Variants in MYH14 observed in about 807,000 individuals in gnomAD.
The protein encoded by MYH14 is myosin heavy chain 14.
Under a neutral mutation model 255.5 loss-of-function variants are expected in MYH14, and 123 were observed. The ratio of observed to expected loss-of-function variants is 0.48; its 90% CI spans 0.42 to 0.56. MYH14 has a LOEUF of 0.56. MYH14 is among the 20% of genes least tolerant of loss of function. MYH14 has a pLI of 0.00. For missense variants in MYH14, 2,423 were observed against 2,802.3 expected, an observed-to-expected ratio of 0.86 and a Z score of 3.06; for synonymous variants, 1,095 against 1,161.2, an observed-to-expected ratio of 0.94 and a Z score of 1.16.
At chr19:50,229,547 G>A (rs2033271434) in intron 8 of MYH14, among the ~76,000 whole-genome samples, 1 of 152,120 alleles carries the variant, frequency 6.6e-6, no homozygotes, top group African/African-American at 2.4e-5. Flanking sequence ...GGCTGAGGTG[G>A]GAGTATTGCT....
Position 50,268,372 on chromosome 19 carries a change from G to C in MYH14, c.3033+5G>C. The C allele has an allele frequency of 5.8e-6, 9 of 1,560,708 alleles. No homozygotes were observed. Among genetic ancestry groups the C allele is most frequent in the Non-Finnish European group, 6.9e-6 (8 of 1,153,704 alleles). On this transcript the variant is annotated splice_donor_5th_base_variant and intron_variant, in intron 24 of 42. Coordinates refer to ENST00000642316, the MANE Select transcript of MYH14 (RefSeq NM_001145809.2). ...AGGCTGCAGCAGCACATACAGGTCT[G>C]GCCCCTTGCATGCCCACCAGGCCAC...
At position 50,266,807 on chromosome 19, in the gene MYH14, C is replaced by T; in HGVS notation, c.2695-70C>T. 6.5e-7 allele frequency: 1 copy of T among 1,541,094 alleles called. No homozygotes were observed. Among genetic ancestry groups the T allele is most frequent in the Non-Finnish European group, 8.8e-7 (1 of 1,138,670 alleles). On this transcript the variant is annotated intron_variant, in intron 22 of 42. Transcript: ENST00000642316. The surrounding 1 kb of genome is among the most constrained non-coding windows in gnomAD (Gnocchi z 4.1). Reference sequence around the variant, plus strand: ...GAGAAGGGATTTGAACCCAGAAACTCAAACCCCACTAAGAGTGTGAGGTCT... The same window carrying T: ...GAGAAGGGATTTGAACCCAGAAACTTAAACCCCACTAAGAGTGTGAGGTCT...
chr19:50,255,364 G>T (rs547243941), intron 17 of MYH14, 46 bp downstream of exon 17: 2 of 1,445,098 alleles, frequency 1.4e-6, no homozygotes, highest in Admixed American at 3.9e-5. Flanking sequence ...TGGAGGAGGA[G>T]GGTGGACCTG....
rs1395229662 is a variant in MYH14, at chr19:50,251,563, C to CATATATATATATAT, written c.1830+876_1830+877insTATATATATATATA. 2.0e-4 allele frequency among the ~76,000 whole-genome samples: 21 copies of CATATATATATATAT among 104,120 alleles called. No individual in the cohort carries two copies. In the South Asian group the frequency reaches 6.4e-3, roughly 32 times the overall value. The allele number at this position is 104,120 out of a possible 152,430, so 68.3% of individuals were successfully genotyped here. ...ACACACACACACACACACACACACA[C>CATATATATATATAT]ACACACATATATATATGTATTTTTT... On this transcript the variant is annotated intron_variant, in intron 15 of 42. Coordinates refer to ENST00000642316, the MANE Select transcript of MYH14 (RefSeq NM_001145809.2).
chr19:50,229,541 G>A (rs1164918113), intron 8 of MYH14, among the ~76,000 whole-genome samples: 1 of 152,152 alleles, frequency 6.6e-6, no homozygotes, highest in East Asian at 1.9e-4. Flanking sequence ...ACTTGAGGCT[G>A]AGGTGGGAGT....
intron 10 of MYH14, among the ~76,000 whole-genome samples, chr19:50,239,144 T>C (rs1016930175): frequency 1.3e-5 from 2 of 151,778 alleles, no homozygotes; most frequent in African/African-American, 4.8e-5. Context: ...CTCAGCCTCC[T>C]GAGTAGCTGG....
rs73061134 is a variant in MYH14, at chr19:50,249,553, G to A, written c.1483-97G>A. 176 of 282,498 alleles carry A rather than the reference G, an allele frequency of 6.2e-4. 2 individuals carry two copies. The highest frequency in any genetic ancestry group is 4.5e-3 in the South Asian group (83 of 18,336). 17.5% of individuals were successfully genotyped at this position (282,498 alleles called of 1,614,324 possible). Reference sequence around the variant, plus strand: ...TCTCTCTGGGTCTCTGTCCCCTCTCGATGCATCTCTGTCCCCTGTCTCTGG... The same window carrying A: ...TCTCTCTGGGTCTCTGTCCCCTCTCAATGCATCTCTGTCCCCTGTCTCTGG... On this transcript the variant is annotated intron_variant, in intron 13 of 42. Coordinates refer to ENST00000642316, the MANE Select transcript of MYH14 (RefSeq NM_001145809.2).
Position 50,301,658 on chromosome 19 carries a change from C to A in MYH14, c.5470-3C>A. On this transcript the variant is annotated splice_region_variant and splice_polypyrimidine_tract_variant and intron_variant, in intron 39 of 42. Coordinates refer to ENST00000642316, the MANE Select transcript of MYH14 (RefSeq NM_001145809.2). ...GACATCCTTCCTTCCCCTCCTGCTA[C>A]AGGTAGAGTCACTGACCACAGAGCT... is the stretch of plus-strand genomic sequence containing the variant. 6.2e-7 allele frequency: 1 copy of A among 1,609,306 alleles called. No homozygotes were observed. The highest frequency in any genetic ancestry group is 1.1e-5 in the South Asian group (1 of 91,020).
chr19:50,278,825 A>C (rs1000347344), intron 30 of MYH14, among the ~76,000 whole-genome samples: 17 of 151,806 alleles, frequency 1.1e-4, no homozygotes, highest in African/African-American at 2.9e-4. Flanking sequence ...AAAAAAAAAA[A>C]AAAAAACACA....
chr19:50,297,996 G>T (rs2036338941), intron 39 of MYH14, among the ~76,000 whole-genome samples: 1 of 152,060 alleles, frequency 6.6e-6, no homozygotes, highest in Non-Finnish European at 1.5e-5. Context: ...TGGGGGAGGG[G>T]CATGGAGCTT....
At chr19:50,219,350 G>A (rs770161286) in intron 3 of MYH14, among the ~76,000 whole-genome samples, 1 of 151,700 alleles carries the variant, frequency 6.6e-6, no homozygotes, top group Non-Finnish European at 1.5e-5. Context: ...GGTTCTTTAA[G>A]TAATCTCCAT....
chr19:50,250,801 C>A lies in MYH14; in HGVS notation c.1830+113C>A, dbSNP rs2034342879. ...AAACAGGGTCCTCCTGAGGTCCAGA[C>A]AAACAGAGCAGGGGCTAGGAGAGCC... On this transcript the variant is annotated intron_variant, in intron 15 of 42. Transcript: ENST00000642316. This position sits in a 1 kb window ranked among gnomAD's most constrained non-coding sequence, Gnocchi z 5.4. 5 of 1,141,550 alleles carry A rather than the reference C, an allele frequency of 4.4e-6. No individual in the cohort carries two copies. Among genetic ancestry groups the A allele is most frequent in the Admixed American group, 4.7e-5 (2 of 42,852 alleles). 70.7% of individuals were successfully genotyped at this position (1,141,550 alleles called of 1,614,324 possible).
chr19:50,274,172 G>A (rs2035420654), intron 27 of MYH14, among the ~76,000 whole-genome samples: 1 of 152,104 alleles, frequency 6.6e-6, no homozygotes, highest in Non-Finnish European at 1.5e-5. Flanking sequence ...TATTACTCTT[G>A]TTAATTTTTT....
At position 50,255,316 on chromosome 19, in the gene MYH14, G is replaced by A. The variant is rs960217065; in HGVS notation, c.2042G>A (p.Gly681Glu). Residue 681 changes from glycine (G) to glutamate (E), a missense_variant and splice_region_variant, in exon 17 of 43, where the codon GGG becomes GAG. Gly to Glu is a moderately conservative substitution (Grantham distance 98, BLOSUM62 -2). Around this residue, in one of 3 missense-constraint regions of MYH14, gnomAD observed 672 missense variants for 881.8 expected, o/e 0.76. Coordinates refer to ENST00000642316, the MANE Select transcript of MYH14 (RefSeq NM_001145809.2). ...ERCSSAISPP[G>E]VEGIVGLEQV... ...TGCAGCTCTGCTATTTCTCCGCCAG[G>A]GGGTGGGTGTCTCTGTGCATCGATG... The A allele has an allele frequency of 5.2e-6, 8 of 1,550,558 alleles. No individual in the cohort carries two copies. The highest frequency in any genetic ancestry group is 1.7e-4 in the Middle Eastern group (1 of 5,992).
At chr19:50,227,022 C>T in intron 8 of MYH14, 56 bp downstream of exon 8, 1 of 1,563,040 alleles carries the variant, frequency 6.4e-7, no homozygotes, top group South Asian at 1.1e-5. Context: ...TTTCAGACAG[C>T]ACTGAGTATG....
In MYH14 at chr19:50,267,003, G is replaced by T. The variant is rs1304551812; in HGVS notation, c.2821G>T (p.Ala941Ser). ...REVGELQGRV[A>S]QLEEERARLA... ...AGTTGGGGAGCTCCAGGGCCGAGTG[G>T]CACAGGTGAGGGGGCGGGGGCAGGG... Residue 941 changes from alanine (A) to serine (S), a missense_variant, in exon 23 of 43, where the codon GCA (alanine) becomes TCA (serine). Ala to Ser is a moderately conservative substitution (Grantham distance 99). Transcript: ENST00000642316. 20 of 1,560,636 alleles carry T rather than the reference G, an allele frequency of 1.3e-5. No homozygotes were observed. The highest frequency in any genetic ancestry group is 1.6e-5 in the Non-Finnish European group (19 of 1,153,896).
chr19:50,268,342 A>G lies in MYH14; in HGVS notation c.3008A>G (p.Lys1003Arg). 1 of 1,582,250 alleles carries G rather than the reference A, an allele frequency of 6.3e-7. No individual in the cohort carries two copies. The highest frequency in any genetic ancestry group is 8.6e-7 in the Non-Finnish European group (1 of 1,165,164). Residue 1003 changes from lysine (K) to arginine (R), a missense_variant, in exon 24 of 43, where the codon AAG becomes AGG. By Grantham distance (26) the Lys-to-Arg change is conservative. Coordinates refer to ENST00000642316, the MANE Select transcript of MYH14 (RefSeq NM_001145809.2). The stretch of plus-strand genomic sequence containing the variant: ...TGCAGCCGTCAAATGCAAACCGAGA[A>G]GAAGAGGCTGCAGCAGCACATACAG... Reference protein sequence around the residue: ...EECSRQMQTEKKRLQQHIQEL... With the variant: ...EECSRQMQTERKRLQQHIQEL...
Position 50,268,328 on chromosome 19 carries a change from A to G in MYH14, c.2994A>G (p.Gln998=). 6.3e-7 allele frequency: 1 copy of G among 1,587,696 alleles called. No individual in the cohort carries two copies. ...RVGEEEECSR[Q]MQTEKKRLQQ... is the part of the protein sequence containing the mutation. ...GCGAGGAGGAGGAGTGCAGCCGTCA[A>G]ATGCAAACCGAGAAGAAGAGGCTGC... Residue 998 remains glutamine (Q), a synonymous_variant, in exon 24 of 43, where the codon CAA becomes CAG. Coordinates refer to ENST00000642316, the MANE Select transcript of MYH14 (RefSeq NM_001145809.2).
chr19:50,286,566 C>T lies in MYH14; in HGVS notation c.4624C>T (p.Arg1542Trp), dbSNP rs553628577. Residue 1542 changes from arginine (R) to tryptophan (W), a missense_variant, in exon 34 of 43, where the codon CGG becomes TGG. By Grantham distance (101) the Arg-to-Trp change is moderately radical. Around this residue, in one of 3 missense-constraint regions of MYH14, gnomAD observed 1,513 missense variants for 1,674.8 expected, o/e 0.90. Transcript: ENST00000642316. ...GGCAGAGGGCCGGGAGCGTGAGGCT[C>T]GGGCCCTGTCACTGACACGGGCACT... is the stretch of plus-strand genomic sequence containing the variant. ...AEAEGREREA[R>W]ALSLTRALEE... 5.6e-6 allele frequency: 9 copies of T among 1,610,800 alleles called. No homozygotes were observed. Among genetic ancestry groups the T allele is most frequent in the East Asian group, 2.2e-5 (1 of 44,794 alleles).
Sources: gnomAD v4.1 joint callset for allele counts (sites outside exome capture counted in the v4.1 genomes callset) on GRCh38, gnomAD v4.1.1 for gene constraint, gnomAD v4.1.1 regional missense constraint, Gnocchi (gnomAD v3.1) non-coding constraint, MANE v1.5 for transcripts, NCBI Gene and HGNC (gene_info 2026-07-23, HGNC 2026-07-21) for gene names.